Variants in YEATS4 observed in about 807,000 individuals in gnomAD.
YEATS4 encodes the protein YEATS domain-containing protein 4.
In YEATS4, 17 loss-of-function variants were observed where a neutral mutation model predicts 30.1. The observed-to-expected ratio is 0.56, with a 90% confidence interval of 0.39 to 0.85. The LOEUF is 0.85. Among genes scored for constraint, YEATS4 ranks in the 40% least tolerant of loss-of-function variants. YEATS4 has a pLI of 0.00. For missense variants in YEATS4, 142 were observed against 268.3 expected (o/e 0.53, Z 3.29); for synonymous variants, 85 against 87.5 (o/e 0.97, Z 0.16).
the YEATS4 span, among the ~76,000 whole-genome samples, chr12:69,425,094 G>A: frequency 6.6e-6 from 1 of 151,754 alleles, no homozygotes; most frequent in East Asian, 1.9e-4. Flanking sequence ...TACTTTTTTT[G>A]TATTTGTAGT....
At chr12:69,389,743 C>T (rs1452260388) in intron 6 of YEATS4, among the ~76,000 whole-genome samples, 3 of 152,042 alleles carry the variant, frequency 2.0e-5, no homozygotes, top group Admixed American at 6.5e-5. Context: ...GAACTCCTGA[C>T]CTCAAGTGAT....
intron 6 of YEATS4, among the ~76,000 whole-genome samples, chr12:69,388,106 G>A (rs573785624): frequency 4.6e-5 from 7 of 151,346 alleles, no homozygotes; most frequent in Non-Finnish European, 1.0e-4. Flanking sequence ...CGCCCAGGCT[G>A]GATGGAGTGC....
chr12:69,376,801 G>A (rs755256516), intron 6 of YEATS4, among the ~76,000 whole-genome samples: 2 of 152,152 alleles, frequency 1.3e-5, no homozygotes, highest in Admixed American at 6.5e-5. Context: ...CAAATGTTTG[G>A]TAAAATTCAA....
chr12:69,421,724 C>CT, the YEATS4 span, among the ~76,000 whole-genome samples: 3 of 152,208 alleles, frequency 2.0e-5, no homozygotes, highest in African/African-American at 7.2e-5. Context: ...GAAGGATACT[C>CT]TGACAACCTG....
At chr12:69,384,810 A>C (rs1565681708) in intron 6 of YEATS4, among the ~76,000 whole-genome samples, 2 of 152,344 alleles carry the variant, frequency 1.3e-5, no homozygotes. Context: ...GCAAAGAATT[A>C]ATGTTTTTTT....
At chr12:69,379,583 ATTTTTTTTTTTTTTTTTTT>A (rs61048163) in intron 6 of YEATS4, among the ~76,000 whole-genome samples, 7 of 72,272 alleles carry the variant, frequency 9.7e-5, no homozygotes, top group South Asian at 6.4e-4. Context: ...TGCCCAGCTA[ATTTTTTTTTTTTTTTTTTT>A]TTTTTTTTTT....
At chr12:69,375,973 A>AT (rs980416669) in intron 6 of YEATS4, among the ~76,000 whole-genome samples, 72 of 152,248 alleles carry the variant, frequency 4.7e-4, no homozygotes, top group Middle Eastern at 3.4e-3. Flanking sequence ...GATGCTACTG[A>AT]TTTTTTTGTA....
At chr12:69,393,486 A>G (rs2085397692), downstream of YEATS4, among the ~76,000 whole-genome samples, 1 of 151,360 alleles carries the variant, frequency 6.6e-6, no homozygotes, top group African/African-American at 2.4e-5. Flanking sequence ...AAGAAAGAAA[A>G]TGAGATCATA....
In YEATS4 at chr12:69,370,690, T is replaced by C. The variant is rs776820057; in HGVS notation, c.334-16T>C. Reference sequence around the variant, plus strand: ...AAAACCATTGCACAGATTTGACATCTGTTTCTATTTCACAGGTAACCCTGT... The same window carrying C: ...AAAACCATTGCACAGATTTGACATCCGTTTCTATTTCACAGGTAACCCTGT... On this transcript the variant is annotated splice_polypyrimidine_tract_variant and intron_variant, in intron 4 of 6. Transcript: ENST00000247843. The C allele has an allele frequency of 2.0e-6, 3 of 1,525,670 alleles. No homozygotes were observed. The African/African-American group carries it at 4.2e-5, about 21-fold the overall frequency. The allele number at this position is 1,525,670 out of a possible 1,614,324, so 94.5% of individuals were successfully genotyped here.
At chr12:69,414,989 G>C in the YEATS4 span, among the ~76,000 whole-genome samples, 29 of 152,186 alleles carry the variant, frequency 1.9e-4, no homozygotes, top group African/African-American at 6.3e-4. Context: ...ACAAAAATCT[G>C]AGAAATGCTA....
chr12:69,402,731 T>C, the YEATS4 span, among the ~76,000 whole-genome samples: 825 of 148,462 alleles, frequency 5.6e-3, 8 homozygotes, highest in African/African-American at 0.019. Flanking sequence ...TTTTCTTTTT[T>C]TTTTTTTTTT....
chr12:69,373,724 C>T (rs1480289657), intron 6 of YEATS4, among the ~76,000 whole-genome samples: 1 of 152,072 alleles, frequency 6.6e-6, no homozygotes, highest in Non-Finnish European at 1.5e-5. Context: ...GAGAGTTTCC[C>T]CAATGTTTTC....
At chr12:69,378,026 C>G (rs1340853367) in intron 6 of YEATS4, among the ~76,000 whole-genome samples, 2 of 152,302 alleles carry the variant, frequency 1.3e-5, no homozygotes. Context: ...GACTGCTCCA[C>G]TGTTGGGTGC....
chr12:69,400,363 A>G, the YEATS4 span, among the ~76,000 whole-genome samples: 3 of 152,166 alleles, frequency 2.0e-5, no homozygotes, highest in Admixed American at 6.5e-5. Flanking sequence ...TCCATTACAT[A>G]TCTAATAATA....
rs1216379211 is a variant in YEATS4, at chr12:69,365,805, C to A, written c.254C>A (p.Pro85Gln). The change falls in exon 4 of 7, where the codon CCA becomes CAA. Residue 85 changes from proline (P) to glutamine (Q), a missense_variant. Pro to Gln is a moderately conservative substitution (Grantham distance 76). Coordinates refer to ENST00000247843, the MANE Select transcript of YEATS4 (RefSeq NM_006530.4). ...CTGTCTTTAGTTGTTACTAAACCTC[C>A]ATATGAAATTACTGAAACAGGATGG... ...GNPLRVVTKP[P>Q]YEITETGWGE... 1 of 1,609,198 alleles carries A rather than the reference C, an allele frequency of 6.2e-7. No homozygotes were observed. Among genetic ancestry groups the A allele is most frequent in the East Asian group, 2.2e-5 (1 of 44,674 alleles).
At chr12:69,391,953 T>G (rs577454874), downstream of YEATS4, among the ~76,000 whole-genome samples, 1 of 152,322 alleles carries the variant, frequency 6.6e-6, no homozygotes, top group South Asian at 2.1e-4. Context: ...GTTCAAAATA[T>G]GTGGTCATGG....
At chr12:69,365,454 A>G (rs1232485307) in intron 2 of YEATS4, among the ~76,000 whole-genome samples, 179 bp from the exon 3 acceptor site, 3 of 138,180 alleles carry the variant, frequency 2.2e-5, no homozygotes, top group East Asian at 2.0e-4. Context: ...CCATCTCAGG[A>G]AAAAAAAAAA....
At chr12:69,405,550 C>T in the YEATS4 span, among the ~76,000 whole-genome samples, 8 of 152,118 alleles carry the variant, frequency 5.3e-5, no homozygotes, top group Admixed American at 1.3e-4. Flanking sequence ...ACTACTCTTG[C>T]GCTTTGGGGC....
intron 6 of YEATS4, among the ~76,000 whole-genome samples, chr12:69,378,409 C>T (rs1319591176): frequency 6.6e-6 from 1 of 152,064 alleles, no homozygotes; most frequent in Non-Finnish European, 1.5e-5. Context: ...AGGACTTCCA[C>T]CATTTTATTT....
Sources: allele counts gnomAD v4.1 joint callset (sites outside exome capture counted in the v4.1 genomes callset), GRCh38; gene constraint gnomAD v4.1.1; transcripts MANE v1.5; gene names NCBI Gene and HGNC (gene_info 2026-07-23, HGNC 2026-07-21).